The following TRARG1 variants were observed in gnomAD, a reference collection of about 807,000 sequenced individuals.
The protein encoded by TRARG1 is trafficking regulator of GLUT4 (SLC2A4) 1 (gene/pseudogene).
Under a neutral mutation model 13.3 loss-of-function variants are expected in TRARG1, and 16 were observed. The observed-to-expected ratio is 1.20, with a 90% CI of 0.81 to 1.83. The LOEUF (loss-of-function observed/expected upper bound fraction) is 1.83, where lower values mean the gene tolerates loss of function less well. Ranked by LOEUF, TRARG1 falls within the 40% of genes most tolerant of loss-of-function variation. TRARG1 has a pLI of 0.00. For synonymous variants in TRARG1, 113 were observed against 106.2 expected (o/e 1.06, Z -0.39); for missense variants, 250 against 237.4 (o/e 1.05, Z -0.35).
intron 1 of TRARG1, among the ~76,000 whole-genome samples, chr17:1,288,089 C>T (rs1052391948): frequency 4.6e-5 from 7 of 151,998 alleles, no homozygotes; most frequent in African/African-American, 1.7e-4. Context: ...TCTCATCCCC[C>T]TTCCCTCTTT....
chr17:1,288,191 C>A (rs1365589818), intron 1 of TRARG1, among the ~76,000 whole-genome samples: 1 of 151,922 alleles, frequency 6.6e-6, no homozygotes, highest in Non-Finnish European at 1.5e-5. Flanking sequence ...CACTGCTGAG[C>A]TCCTAAGAGC....
Position 1,280,289 on chromosome 17 carries a change from A to C in TRARG1, c.288A>C (p.Gln96His). 1 of 1,614,032 alleles carries C rather than the reference A, an allele frequency of 6.2e-7. No homozygotes were observed. Among genetic ancestry groups the C allele is most frequent in the African/African-American group, 1.3e-5 (1 of 75,048 alleles). ...CCATCGCCACCACCTCCTATGCCCAAGACCAAGAAGCCCCCAGAGATTACC... is the reference window on the plus strand; with the variant it reads ...CCATCGCCACCACCTCCTATGCCCACGACCAAGAAGCCCCCAGAGATTACC... ...ASSIATTSYAQDQEAPRDYLI... is the reference protein window; with the variant it reads ...ASSIATTSYAHDQEAPRDYLI... The change falls in exon 1 of 3, where the codon CAA (glutamine) becomes CAC (histidine). Residue 96 changes from glutamine (Q) to histidine (H), a missense_variant. Transcript: ENST00000333813.
chr17:1,293,545 A>G (rs12949373), intron 1 of TRARG1, among the ~76,000 whole-genome samples: 3,245 of 45,896 alleles, frequency 0.071, 143 homozygotes, highest in African/African-American at 0.15. Flanking sequence ...TGATGTCACG[A>G]GTTGAGTTTG....
chr17:1,280,923 C>T (rs9898562), intron 1 of TRARG1, among the ~76,000 whole-genome samples: 9,733 of 152,236 alleles, frequency 0.064, 1,045 homozygotes, highest in African/African-American at 0.22. Flanking sequence ...CCCCGAGGGG[C>T]GCACAAAGCG....
In TRARG1 at chr17:1,300,028, A is replaced by G. The variant is rs747793889; in HGVS notation, c.*1764A>G. 6.6e-6 allele frequency: 1 copy of G among 152,214 alleles called. No homozygotes were observed. The highest frequency in any genetic ancestry group is 1.5e-5 in the Non-Finnish European group (1 of 68,106). The allele number at this position is 152,214 out of a possible 1,614,324, so 9.4% of individuals were successfully genotyped here. A position where few individuals can be genotyped will look rare whatever the true frequency, so the allele number is the denominator to read the frequency against. On this transcript the variant is annotated 3_prime_UTR_variant, in exon 3 of 3. Coordinates refer to ENST00000333813, the MANE Select transcript of TRARG1 (RefSeq NM_172367.3). Reference sequence around the variant, plus strand: ...CTGGTCCTTTGGGGCTGGTGTTCCTACGTCAGTCCCCACCTGGGGAATAAA... The same window carrying G: ...CTGGTCCTTTGGGGCTGGTGTTCCTGCGTCAGTCCCCACCTGGGGAATAAA...
intron 1 of TRARG1, among the ~76,000 whole-genome samples, chr17:1,282,219 C>CGT (rs1567928157): frequency 8.7e-6 from 1 of 115,208 alleles, no homozygotes; most frequent in Admixed American, 8.4e-5. Context: ...TGTACGTATA[C>CGT]ACGTGCGTAT....
rs146686338 is a variant in TRARG1, at chr17:1,284,214, C to T, written c.387+3826C>T. On this transcript the variant is annotated intron_variant, in intron 1 of 2. Coordinates refer to ENST00000333813, the MANE Select transcript of TRARG1 (RefSeq NM_172367.3). Reference sequence around the variant, plus strand: ...CCTGCCCCTCCCAGCCCTGAGCAACCACTCATCTCCTTTCTGTTTCTCTAG... The same window carrying T: ...CCTGCCCCTCCCAGCCCTGAGCAACTACTCATCTCCTTTCTGTTTCTCTAG... Among the ~76,000 whole-genome samples, 104 of 152,290 alleles carry T rather than the reference C, an allele frequency of 6.8e-4. 1 individual carries two copies. The highest frequency in any genetic ancestry group is 2.4e-3 in the African/African-American group (100 of 41,558).
At chr17:1,297,592 CTTTTTTT>C (rs35978298) in intron 2 of TRARG1, among the ~76,000 whole-genome samples, 12 of 97,924 alleles carry the variant, frequency 1.2e-4, no homozygotes, top group Non-Finnish European at 2.2e-4. Flanking sequence ...TTAGCCAGGA[CTTTTTTT>C]TTTTTTTTTT....
At position 1,298,432 on chromosome 17, in the gene TRARG1, T is replaced by C; in HGVS notation, c.*168T>C. 1.5e-6 allele frequency: 1 copy of C among 646,232 alleles called. No individual in the cohort carries two copies. The highest frequency in any genetic ancestry group is 2.8e-5 in the East Asian group (1 of 35,156). The allele number at this position is 646,232 out of a possible 1,614,324, so 40.0% of individuals were successfully genotyped here. A position where few individuals can be genotyped will look rare whatever the true frequency, so the allele number is the denominator to read the frequency against. On this transcript the variant is annotated 3_prime_UTR_variant, in exon 3 of 3. Transcript: ENST00000333813. ...CCCAGTCACCCACTGTCAGCCCCCA[T>C]CTGACAAGAAAGCCTGGAGCGAGGA...
intron 1 of TRARG1, among the ~76,000 whole-genome samples, chr17:1,284,927 G>A (rs1280440794): frequency 6.6e-6 from 1 of 151,842 alleles, no homozygotes; most frequent in Non-Finnish European, 1.5e-5. Flanking sequence ...TGATCCACCC[G>A]CCTCGGCCTC....
intron 2 of TRARG1, 56 bp from the exon 3 acceptor site, chr17:1,298,195 T>C: frequency 6.2e-7 from 1 of 1,611,970 alleles, no homozygotes; most frequent in African/African-American, 1.3e-5. Flanking sequence ...AGTCAGGGAC[T>C]TGAAGAGCCA....
rs527590618 is a variant in TRARG1 at position 1,283,464 on chromosome 17, G to T, written c.387+3076G>T. 3.9e-5 allele frequency among the ~76,000 whole-genome samples: 6 copies of T among 152,248 alleles called. No homozygotes were observed. The South Asian group carries it at 1.2e-3, about 32-fold the overall frequency. Reference sequence around the variant, plus strand: ...CCATCTAAAGTGTATTCACAGACAGGTGCAACAACCGCAGTCAATTTGGAA... The same window carrying T: ...CCATCTAAAGTGTATTCACAGACAGTTGCAACAACCGCAGTCAATTTGGAA... On this transcript the variant is annotated intron_variant, in intron 1 of 2. Coordinates refer to ENST00000333813, the MANE Select transcript of TRARG1 (RefSeq NM_172367.3).
chr17:1,286,730 G>A lies in TRARG1; in HGVS notation c.387+6342G>A, dbSNP rs73978709. Among the ~76,000 whole-genome samples, 1,343 of 142,524 alleles carry A rather than the reference G, an allele frequency of 9.4e-3. 25 individuals are homozygous for A. The highest frequency in any genetic ancestry group is 0.033 in the African/African-American group (1,274 of 38,346). 93.5% of individuals were successfully genotyped at this position (142,524 alleles called of 152,430 possible). ...CCTGTGGGTGTTGTTTTCGGCCTGC[G>A]GGTGTTGTTTTCGGCCTGTGGGGTG... On this transcript the variant is annotated intron_variant, in intron 1 of 2. Transcript: ENST00000333813.
intron 1 of TRARG1, among the ~76,000 whole-genome samples, chr17:1,287,025 T>G (rs1263289877): frequency 6.6e-6 from 1 of 151,734 alleles, no homozygotes; most frequent in Non-Finnish European, 1.5e-5. Context: ...AGATGACACA[T>G]CGAAGGGTTG....
intron 2 of TRARG1, among the ~76,000 whole-genome samples, chr17:1,297,823 T>C (rs1292299526): frequency 1.3e-5 from 2 of 152,118 alleles, no homozygotes; most frequent in African/African-American, 2.4e-5. Context: ...CAGGCTGGCC[T>C]CGAACTCCTG....
intron 1 of TRARG1, among the ~76,000 whole-genome samples, chr17:1,287,250 G>T (rs2072031129): frequency 6.6e-6 from 1 of 152,030 alleles, no homozygotes. Context: ...AGGGAGGAGA[G>T]AGTTGAGGGA....
chr17:1,280,482 G>A (rs1338102664), intron 1 of TRARG1, 94 bp downstream of exon 1: 48 of 1,306,652 alleles, frequency 3.7e-5, no homozygotes, highest in Non-Finnish European at 4.8e-5. Context: ...CCAGGGTGTG[G>A]AGAAGAGAGA....
At chr17:1,281,949 C>A (rs1452511322) in intron 1 of TRARG1, among the ~76,000 whole-genome samples, 2 of 151,616 alleles carry the variant, frequency 1.3e-5, no homozygotes, top group Admixed American at 6.6e-5. Context: ...TACATATATG[C>A]ACATACATGT....
At chr17:1,295,187 C>T (rs539782541) in intron 1 of TRARG1, among the ~76,000 whole-genome samples, 91 of 152,336 alleles carry the variant, frequency 6.0e-4, no homozygotes, top group African/African-American at 2.0e-3. Flanking sequence ...CTCAGGCCCT[C>T]GGTCTCTAGC....
Sources: gnomAD v4.1 joint callset for allele counts (sites outside exome capture counted in the v4.1 genomes callset) on GRCh38, gnomAD v4.1.1 for gene constraint, MANE v1.5 for transcripts, NCBI Gene and HGNC (gene_info 2026-07-23, HGNC 2026-07-21) for gene names.